TNIK: variants seen among roughly 807,000 people sequenced by gnomAD.
The protein encoded by TNIK is TRAF2 and NCK interacting kinase, also known as TRAF2 and NCK-interacting protein kinase.
In TNIK, 49 loss-of-function variants were observed where a neutral mutation model predicts 191.3. That is an observed-to-expected ratio of 0.26 (90% CI 0.20 to 0.32). The LOEUF (loss-of-function observed/expected upper bound fraction) is 0.32, where lower values mean the gene tolerates loss of function less well. Ranked by LOEUF, TNIK falls within the 10% of genes least tolerant of loss-of-function variation. The pLI is 1.00. For missense variants in TNIK, 1,155 were observed against 1,702.3 expected (o/e 0.68, Z 5.66); for synonymous variants, 594 against 600.9 (o/e 0.99, Z 0.17).
chr3:171,153,053 C>T (rs1168534857), intron 12 of TNIK, among the ~76,000 whole-genome samples: 11 of 152,162 alleles, frequency 7.2e-5, no homozygotes, highest in East Asian at 1.9e-4. Context: ...TTACAGTGGG[C>T]GTGAGCCACT....
At chr3:171,309,228 G>T (rs1329840199) in intron 2 of TNIK, among the ~76,000 whole-genome samples, 2 of 152,094 alleles carry the variant, frequency 1.3e-5, no homozygotes. Flanking sequence ...CCATGAGAAA[G>T]AATGAGACCA....
At chr3:171,424,339 GC>G (rs1278908495) in intron 1 of TNIK, among the ~76,000 whole-genome samples, 1 of 152,206 alleles carries the variant, frequency 6.6e-6, no homozygotes, top group Non-Finnish European at 1.5e-5. Context: ...AACAACAGGT[GC>G]TGGAGAGGAT....
chr3:171,334,843 T>C (rs1488691612), intron 2 of TNIK, among the ~76,000 whole-genome samples: 1 of 151,248 alleles, frequency 6.6e-6, no homozygotes, highest in African/African-American at 2.4e-5. Flanking sequence ...ATTTAAAAAC[T>C]TGAATCCTGT....
At chr3:171,097,644 G>T (rs937854606) in intron 22 of TNIK, among the ~76,000 whole-genome samples, 11 of 152,198 alleles carry the variant, frequency 7.2e-5, no homozygotes, top group African/African-American at 1.4e-4. Flanking sequence ...TGTAAGACAT[G>T]CCTTTGCTCC....
At chr3:171,341,608 A>T (rs1474985230) in intron 2 of TNIK, among the ~76,000 whole-genome samples, 3 of 151,174 alleles carry the variant, frequency 2.0e-5, no homozygotes, top group Non-Finnish European at 2.9e-5. Flanking sequence ...TGCTGTGCAG[A>T]TGTGGCAGAA....
chr3:171,162,485 AC>A (rs112054876), intron 10 of TNIK, among the ~76,000 whole-genome samples: 2 of 152,248 alleles, frequency 1.3e-5, no homozygotes, highest in African/African-American at 4.8e-5. Flanking sequence ...TGATTGATCC[AC>A]TAGGGACAGT....
chr3:171,138,931 C>T (rs575003554), intron 14 of TNIK, among the ~76,000 whole-genome samples: 41 of 152,178 alleles, frequency 2.7e-4, no homozygotes, highest in African/African-American at 9.9e-4. Flanking sequence ...ACCAAAAAGC[C>T]CATCTGGAGA....
At chr3:171,239,140 ACT>A (rs936970621) in intron 2 of TNIK, among the ~76,000 whole-genome samples, 3 of 152,144 alleles carry the variant, frequency 2.0e-5, no homozygotes, top group African/African-American at 4.8e-5. Flanking sequence ...CATCTTAATA[ACT>A]CTTCATACTA....
chr3:171,107,381 C>T (rs762689784), intron 20 of TNIK, among the ~76,000 whole-genome samples, 175 bp from the exon 21 acceptor site: 30 of 152,062 alleles, frequency 2.0e-4, no homozygotes, highest in Non-Finnish European at 3.4e-4. Context: ...TCTCGGTATA[C>T]GTCGTTACTT....
intron 1 of TNIK, among the ~76,000 whole-genome samples, chr3:171,426,568 T>A (rs1724658233): frequency 1.3e-5 from 2 of 152,074 alleles, no homozygotes; most frequent in Admixed American, 6.6e-5. Context: ...TATATATATA[T>A]AAAATCATCT....
At chr3:171,382,876 GA>G (rs879624840) in intron 1 of TNIK, among the ~76,000 whole-genome samples, 13 of 152,086 alleles carry the variant, frequency 8.5e-5, no homozygotes, top group Non-Finnish European at 1.9e-4. Context: ...TGAAAGAATA[GA>G]AAAGACCAGA....
chr3:171,104,660 CAAAT>C (rs1043100199), intron 21 of TNIK, among the ~76,000 whole-genome samples: 9 of 151,980 alleles, frequency 5.9e-5, no homozygotes, highest in Non-Finnish European at 1.0e-4. Flanking sequence ...ATAGTTTATT[CAAAT>C]AAATATTAGT....
intron 1 of TNIK, among the ~76,000 whole-genome samples, chr3:171,371,287 C>G (rs1716455990): frequency 6.6e-6 from 1 of 152,154 alleles, no homozygotes. Flanking sequence ...TTTGATCTGA[C>G]AAGTCAGGAT....
chr3:171,189,470 T>A (rs896639019), intron 6 of TNIK, among the ~76,000 whole-genome samples: 3 of 152,068 alleles, frequency 2.0e-5, no homozygotes, highest in Non-Finnish European at 4.4e-5. Flanking sequence ...CAAAAATAGG[T>A]GTTAAAAAAA....
intron 1 of TNIK, among the ~76,000 whole-genome samples, chr3:171,372,929 C>T (rs888655224): frequency 1.3e-5 from 2 of 152,134 alleles, no homozygotes; most frequent in East Asian, 3.9e-4. Flanking sequence ...ATGGTATTTG[C>T]AAGGAGGGGG....
intron 11 of TNIK, 85 bp from the exon 12 acceptor site, chr3:171,157,749 A>C: frequency 2.2e-6 from 3 of 1,346,762 alleles, no homozygotes; most frequent in Non-Finnish European, 3.1e-6. Context: ...AAGCGGGACA[A>C]ATGATTCACC....
chr3:171,269,802 G>A (rs952513275), intron 2 of TNIK, among the ~76,000 whole-genome samples: 2 of 152,152 alleles, frequency 1.3e-5, no homozygotes, highest in Non-Finnish European at 2.9e-5. Flanking sequence ...CTGCTGAAAT[G>A]GTCTTTACTG....
intron 1 of TNIK, among the ~76,000 whole-genome samples, chr3:171,441,894 T>C (rs1457788974): frequency 2.0e-5 from 3 of 152,082 alleles, no homozygotes; most frequent in Admixed American, 2.0e-4. Flanking sequence ...AAGTGCAGAG[T>C]TCACATGATC....
Position 171,188,852 on chromosome 3 carries a change from T to G in TNIK, c.509-20A>C, listed in dbSNP as rs754772114. ...AGTCCACTATTTAAGAAAAGACAAG[T>G]AAATAAAGTCTGTGATCATAGGTTT... On this transcript the variant is annotated intron_variant, in intron 6 of 32. Coordinates refer to ENST00000436636, the MANE Select transcript of TNIK (RefSeq NM_015028.4). 2.5e-5 allele frequency: 41 copies of G among 1,611,396 alleles called. No individual in the cohort carries two copies. The highest frequency in any genetic ancestry group is 3.2e-5 in the Non-Finnish European group (38 of 1,178,524).
Sources: allele counts gnomAD v4.1 joint callset (sites outside exome capture counted in the v4.1 genomes callset), GRCh38; gene constraint gnomAD v4.1.1; transcripts MANE v1.5; gene names NCBI Gene and HGNC (gene_info 2026-07-23, HGNC 2026-07-21).